The following RNF220 variants were observed in gnomAD, a reference collection of about 807,000 sequenced individuals.
The protein encoded by RNF220 is E3 ubiquitin-protein ligase RNF220.
Under a neutral mutation model 67.1 loss-of-function variants are expected in RNF220, and 7 were observed. That is an observed-to-expected ratio of 0.10 (90% CI 0.06 to 0.20). The LOEUF (loss-of-function observed/expected upper bound fraction) is 0.20, where lower values mean the gene tolerates loss of function less well. RNF220 is among the 10% of genes least tolerant of loss of function. The pLI is 1.00. For missense variants in RNF220, 565 were observed against 740.3 expected (o/e 0.76, Z 2.75); for synonymous variants, 270 against 283.2 (o/e 0.95, Z 0.47).
intron 2 of RNF220, among the ~76,000 whole-genome samples, chr1:44,558,382 A>G (rs1292163938): frequency 6.8e-6 from 1 of 147,328 alleles, no homozygotes; most frequent in African/African-American, 2.5e-5. Context: ...AAATATCAGA[A>G]TCTTTTCCAC....
intron 2 of RNF220, among the ~76,000 whole-genome samples, chr1:44,462,661 A>G (rs1653892325): frequency 2.6e-5 from 4 of 152,312 alleles, no homozygotes; most frequent in South Asian, 2.1e-4. Flanking sequence ...AGGATTTTCT[A>G]TTTTCTTTAT....
intron 2 of RNF220, among the ~76,000 whole-genome samples, chr1:44,500,754 A>G (rs913858333): frequency 2.6e-5 from 4 of 151,808 alleles, no homozygotes; most frequent in Non-Finnish European, 5.9e-5. Flanking sequence ...CTGCCAGACC[A>G]TTCTAATTGC....
intron 2 of RNF220, among the ~76,000 whole-genome samples, chr1:44,457,384 TATG>T (rs2147947178): frequency 6.6e-6 from 1 of 152,146 alleles, no homozygotes; most frequent in Non-Finnish European, 1.5e-5. Context: ...TGAAAAAAAT[TATG>T]AGTAAGATTT....
At chr1:44,448,312 C>T (rs546678787) in intron 2 of RNF220, among the ~76,000 whole-genome samples, 2 of 152,190 alleles carry the variant, frequency 1.3e-5, no homozygotes, top group African/African-American at 2.4e-5. Flanking sequence ...ATAAGTAAAT[C>T]GACATTCTGG....
chr1:44,589,474 C>T (rs893702200), intron 2 of RNF220, among the ~76,000 whole-genome samples: 4 of 151,986 alleles, frequency 2.6e-5, no homozygotes, highest in East Asian at 3.9e-4. Flanking sequence ...ATTAGCCAAG[C>T]GTGGTGACGG....
chr1:44,625,560 G>A (rs892201369), intron 4 of RNF220, among the ~76,000 whole-genome samples: 2 of 152,188 alleles, frequency 1.3e-5, no homozygotes, highest in African/African-American at 2.4e-5. Context: ...TGTACAGGCT[G>A]GAGAAGGTGG....
intron 2 of RNF220, among the ~76,000 whole-genome samples, chr1:44,488,595 G>A (rs1011253925): frequency 3.5e-4 from 54 of 152,304 alleles, no homozygotes; most frequent in African/African-American, 1.2e-3. Context: ...GATTGCAGGC[G>A]TGGGCCACCA....
At chr1:44,511,735 A>G (rs747696680) in intron 2 of RNF220, among the ~76,000 whole-genome samples, 3 of 152,226 alleles carry the variant, frequency 2.0e-5, no homozygotes, top group Non-Finnish European at 4.4e-5. Context: ...CTGGAAAATC[A>G]TAGAAAGTAA....
At chr1:44,464,661 C>T (rs1430278199) in intron 2 of RNF220, among the ~76,000 whole-genome samples, 1 of 152,140 alleles carries the variant, frequency 6.6e-6, no homozygotes, top group African/African-American at 2.4e-5. Context: ...AAAGAAACAG[C>T]AACTTTCCTC....
chr1:44,439,460 A>AT (rs940881639), intron 2 of RNF220, among the ~76,000 whole-genome samples: 11 of 146,528 alleles, frequency 7.5e-5, no homozygotes, highest in East Asian at 6.2e-4. Context: ...TATTTGTTGC[A>AT]TTTTTTTTCA....
At chr1:44,505,401 C>T (rs577115538) in intron 2 of RNF220, among the ~76,000 whole-genome samples, 1 of 152,332 alleles carries the variant, frequency 6.6e-6, no homozygotes, top group Non-Finnish European at 1.5e-5. Context: ...CTCCTTGGCT[C>T]TACGTGGGCT....
intron 2 of RNF220, among the ~76,000 whole-genome samples, chr1:44,583,139 T>C (rs1665435075): frequency 6.6e-6 from 1 of 152,052 alleles, no homozygotes; most frequent in Non-Finnish European, 1.5e-5. Context: ...CCAGAGCGCT[T>C]TCAAGACAAT....
In RNF220 at chr1:44,645,764, G is replaced by A. The variant is rs901118257; in HGVS notation, c.1445+276G>A. On this transcript the variant is annotated intron_variant, in intron 12 of 14. Coordinates refer to ENST00000361799, the MANE Select transcript of RNF220 (RefSeq NM_018150.4). The surrounding 1 kb of genome is among the most constrained non-coding windows in gnomAD (Gnocchi z 5.0). ...CCGCCTGCTGCGGCGGCCTTCGCCC[G>A]GGGAATGTGATGTATGGCCGCCCAG... Among the ~76,000 whole-genome samples the A allele has an allele frequency of 3.9e-5, 6 of 152,258 alleles. No homozygotes were observed. Among genetic ancestry groups the A allele is most frequent in the South Asian group, 4.1e-4 (2 of 4,830 alleles).
intron 1 of RNF220, among the ~76,000 whole-genome samples, chr1:44,409,947 A>G (rs970445877): frequency 2.0e-5 from 3 of 152,226 alleles, no homozygotes; most frequent in African/African-American, 7.2e-5. Flanking sequence ...CGCCCACGCA[A>G]TGAAGTAAAA....
chr1:44,405,021 T>C (rs1647223137), upstream of RNF220, among the ~76,000 whole-genome samples: 1 of 152,126 alleles, frequency 6.6e-6, no homozygotes, highest in Non-Finnish European at 1.5e-5. Context: ...GCCAACGCTC[T>C]CTTTAGTTCA....
At chr1:44,579,657 G>T (rs1665089861) in intron 2 of RNF220, among the ~76,000 whole-genome samples, 1 of 152,092 alleles carries the variant, frequency 6.6e-6, no homozygotes. Context: ...TATTCTTTCT[G>T]CTCCTCTCCT....
intron 2 of RNF220, among the ~76,000 whole-genome samples, chr1:44,574,477 A>C (rs762785745): frequency 1.1e-4 from 16 of 152,210 alleles, no homozygotes; most frequent in Admixed American, 4.6e-4. Flanking sequence ...AGACTGGGTA[A>C]CATAGAAAAA....
intron 2 of RNF220, among the ~76,000 whole-genome samples, chr1:44,472,755 T>C (rs1317612257): frequency 6.6e-6 from 1 of 152,180 alleles, no homozygotes; most frequent in East Asian, 1.9e-4. Context: ...GAGGTGGGGA[T>C]ATTTTGCTTT....
At chr1:44,646,135 T>A (rs1029680992) in intron 12 of RNF220, among the ~76,000 whole-genome samples, 1 of 152,182 alleles carries the variant, frequency 6.6e-6, no homozygotes, top group Non-Finnish European at 1.5e-5. Context: ...CTGCCATTGG[T>A]CATTGCTTAA....
Sources: gnomAD v4.1 joint callset for allele counts (sites outside exome capture counted in the v4.1 genomes callset) on GRCh38, gnomAD v4.1.1 for gene constraint, Gnocchi (gnomAD v3.1) non-coding constraint, MANE v1.5 for transcripts, NCBI Gene and HGNC (gene_info 2026-07-23, HGNC 2026-07-21) for gene names.